Variants in EPAS1 observed in about 807,000 individuals in gnomAD.
EPAS1 encodes the protein endothelial PAS domain protein 1, also known as endothelial PAS domain-containing protein 1.
Under a neutral mutation model 87.9 loss-of-function variants are expected in EPAS1, and 23 were observed. The ratio of observed to expected loss-of-function variants is 0.26; its 90% confidence interval spans 0.19 to 0.37. EPAS1 has a LOEUF of 0.37. Ranked by LOEUF, EPAS1 falls within the 10% of genes least tolerant of loss-of-function variation. EPAS1 has a pLI of 1.00. For missense variants in EPAS1, 1,138 were observed against 1,120.7 expected, an observed-to-expected ratio of 1.02 and a Z score of -0.22; for synonymous variants, 508 against 444.3, an observed-to-expected ratio of 1.14 and a Z score of -1.80.
rs566794231 is a variant in EPAS1, at chr2:46,384,745, T to G, written c.*85T>G. On this transcript the variant is annotated 3_prime_UTR_variant, in exon 16 of 16. Transcript: ENST00000263734. ...CCGTCTGTTTTTGCAACTAGGTATTTCTAACGCCAGCACACTATTTACAAG... is the reference window on the plus strand; with the variant it reads ...CCGTCTGTTTTTGCAACTAGGTATTGCTAACGCCAGCACACTATTTACAAG... 2.4e-5 allele frequency: 37 copies of G among 1,531,076 alleles called. No homozygotes were observed. In the African/African-American group the frequency reaches 4.6e-4, roughly 19 times the overall value. The allele number at this position is 1,531,076 out of a possible 1,614,324, so 94.8% of individuals were successfully genotyped here. A position where few individuals can be genotyped will look rare whatever the true frequency, so the allele number is the denominator to read the frequency against.
intron 1 of EPAS1, among the ~76,000 whole-genome samples, chr2:46,325,603 G>A (rs972857108): frequency 7.9e-5 from 12 of 152,180 alleles, no homozygotes; most frequent in East Asian, 5.8e-4. Flanking sequence ...TTGCTTAGCC[G>A]GAGAATTCTG....
rs1262703876 is a variant in EPAS1 at position 46,297,609 on chromosome 2, A to G, written c.-303A>G. On this transcript the variant is annotated 5_prime_UTR_variant, in exon 1 of 16. Coordinates refer to ENST00000263734, the MANE Select transcript of EPAS1 (RefSeq NM_001430.5). ...AGAAAAGTGACTCCTTTTCCAGGGAAAAAGGAACTTGGGTTCCCTTCTCTC... is the reference window on the plus strand; with the variant it reads ...AGAAAAGTGACTCCTTTTCCAGGGAGAAAGGAACTTGGGTTCCCTTCTCTC... The G allele has an allele frequency of 2.3e-6, 1 of 436,686 alleles. No individual in the cohort carries two copies. The highest frequency in any genetic ancestry group is 2.1e-5 in the African/African-American group (1 of 46,776). 27.1% of individuals were successfully genotyped at this position (436,686 alleles called of 1,614,324 possible).
intron 11 of EPAS1, 49 bp downstream of exon 11, chr2:46,378,816 G>A (rs1472768253): frequency 6.8e-6 from 10 of 1,471,408 alleles, no homozygotes; most frequent in Non-Finnish European, 9.5e-6. Context: ...CTGTCTGGTG[G>A]ACAGCAAAGG....
chr2:46,309,356 T>G (rs528025598), intron 1 of EPAS1, among the ~76,000 whole-genome samples: 8 of 152,340 alleles, frequency 5.3e-5, no homozygotes, highest in African/African-American at 1.7e-4. Context: ...ATGATTTGTT[T>G]AAGCAATATA....
intron 1 of EPAS1, among the ~76,000 whole-genome samples, chr2:46,299,161 G>C (rs1682945589): frequency 1.3e-5 from 2 of 152,238 alleles, no homozygotes; most frequent in African/African-American, 4.8e-5. Flanking sequence ...CTTCCACTAC[G>C]GGACTGGAGC....
intron 1 of EPAS1, among the ~76,000 whole-genome samples, chr2:46,319,333 A>G (rs1187008251): frequency 1.3e-5 from 2 of 152,218 alleles, no homozygotes; most frequent in African/African-American, 2.4e-5. Context: ...CTTCAGTGGT[A>G]TTCCTGTGAC....
chr2:46,313,508 A>G (rs942815911), intron 1 of EPAS1, among the ~76,000 whole-genome samples: 3 of 151,858 alleles, frequency 2.0e-5, no homozygotes, highest in African/African-American at 7.3e-5. Context: ...CTGCAGTGCA[A>G]TGGCGGGATC....
chr2:46,313,338 G>A (rs1292321417), intron 1 of EPAS1, among the ~76,000 whole-genome samples: 1 of 152,036 alleles, frequency 6.6e-6, no homozygotes, highest in Non-Finnish European at 1.5e-5. Context: ...TCAGGTCTCA[G>A]CTTAAATATC....
At chr2:46,374,972 G>C (rs1295587043) in intron 7 of EPAS1, among the ~76,000 whole-genome samples, 1 of 152,118 alleles carries the variant, frequency 6.6e-6, no homozygotes, top group Non-Finnish European at 1.5e-5. Flanking sequence ...AGCTTATGAA[G>C]AGACTGTGTG....
At chr2:46,381,330 A>G (rs1572649814) in intron 12 of EPAS1, 1 of 524,612 alleles carries the variant, frequency 1.9e-6, no homozygotes, top group African/African-American at 1.9e-5. Flanking sequence ...GGGCAGAAGA[A>G]ACCCTCCTAA....
intron 10 of EPAS1, 97 bp from the exon 11 acceptor site, chr2:46,378,560 C>A: frequency 2.0e-6 from 2 of 1,008,964 alleles, no homozygotes; most frequent in South Asian, 1.3e-5. Context: ...TGGAATTGAA[C>A]CTTTGGGTCC....
chr2:46,352,702 GCA>G (rs1246103364), intron 2 of EPAS1, among the ~76,000 whole-genome samples: 2 of 152,170 alleles, frequency 1.3e-5, no homozygotes, highest in African/African-American at 4.8e-5. Context: ...TGCTGTGAGG[GCA>G]ACTAGTTCCA....
chr2:46,381,449 C>G, intron 12 of EPAS1, 147 bp from the exon 13 acceptor site: 1 of 1,314,622 alleles, frequency 7.6e-7, no homozygotes, highest in Non-Finnish European at 1.1e-6. Flanking sequence ...CCTGCAGGTG[C>G]ACAGCCTGCC....
chr2:46,319,306 T>G (rs1683409277), intron 1 of EPAS1, among the ~76,000 whole-genome samples: 1 of 152,226 alleles, frequency 6.6e-6, no homozygotes, highest in Non-Finnish European at 1.5e-5. Context: ...AGCTGCTAGC[T>G]GGGAGAACAA....
intron 1 of EPAS1, among the ~76,000 whole-genome samples, chr2:46,321,947 A>G (rs529283405): frequency 6.6e-6 from 1 of 152,286 alleles, no homozygotes; most frequent in African/African-American, 2.4e-5. Flanking sequence ...TTTGGGACTT[A>G]AGTAACTTCA....
At chr2:46,312,096 G>A (rs1683223080) in intron 1 of EPAS1, among the ~76,000 whole-genome samples, 1 of 152,124 alleles carries the variant, frequency 6.6e-6, no homozygotes. Flanking sequence ...TGTTTATTTT[G>A]GAGAGAGACA....
At position 46,319,133 on chromosome 2, in the gene EPAS1, A is replaced by G. The variant is rs531442767; in HGVS notation, c.26+21196A>G. Among the ~76,000 whole-genome samples the G allele has an allele frequency of 2.6e-5, 4 of 152,322 alleles. No homozygotes were observed. The East Asian group carries it at 5.8e-4, about 22-fold the overall frequency. On this transcript the variant is annotated intron_variant, in intron 1 of 15. Transcript: ENST00000263734. The stretch of plus-strand genomic sequence containing the variant: ...CTATGGTGCCCCAGAAATAGCTGCA[A>G]AATAAAAGGTTAAGTGCCATGTAGG...
Position 46,346,950 on chromosome 2 carries a change from A to T in EPAS1, c.104A>T (p.Tyr35Phe), listed in dbSNP as rs1477954904. The T allele has an allele frequency of 1.2e-6, 2 of 1,614,070 alleles. No homozygotes were observed. Among genetic ancestry groups the T allele is most frequent in the African/African-American group, 2.7e-5 (2 of 74,918 alleles). The change falls in exon 2 of 16, where the codon TAT (tyrosine) becomes TTT (phenylalanine). Residue 35 changes from tyrosine to phenylalanine, a missense_variant. Transcript: ENST00000263734. The surrounding 1 kb of genome is among the most constrained non-coding windows in gnomAD (Gnocchi z 4.0). ...CRRSKETEVFYELAHELPLPH... is the reference protein window; with the variant it reads ...CRRSKETEVFFELAHELPLPH... ...CGGAGCAAGGAGACGGAGGTGTTCT[A>T]TGAGCTGGCCCATGAGCTGCCTCTG...
In EPAS1 at chr2:46,385,172, A is replaced by G. The variant is rs186340714; in HGVS notation, c.*512A>G. 88 of 134,086 alleles carry G rather than the reference A, an allele frequency of 6.6e-4. No individual in the cohort carries two copies. Among genetic ancestry groups the G allele is most frequent in the African/African-American group, 2.6e-3 (83 of 32,276 alleles). The allele number at this position is 134,086 out of a possible 1,614,324, so 8.3% of individuals were successfully genotyped here. ...GTTTCTTTTTTAAACTAATCACCAT[A>G]TTGTAAATTTCAGGGTTTTTTTTTT... On this transcript the variant is annotated 3_prime_UTR_variant, in exon 16 of 16. Transcript: ENST00000263734.
Sources: gnomAD v4.1 joint callset for allele counts (sites outside exome capture counted in the v4.1 genomes callset) on GRCh38, gnomAD v4.1.1 for gene constraint, Gnocchi (gnomAD v3.1) non-coding constraint, MANE v1.5 for transcripts, NCBI Gene and HGNC (gene_info 2026-07-23, HGNC 2026-07-21) for gene names.